Variants in ABCC8 observed in about 807,000 individuals in gnomAD.
The protein encoded by ABCC8 is ATP-binding cassette sub-family C member 8.
In ABCC8, 137 loss-of-function variants were observed where a neutral mutation model predicts 188.0. The ratio of observed to expected loss-of-function variants is 0.73; its 90% confidence interval spans 0.63 to 0.84. ABCC8 has a LOEUF of 0.84. Among genes scored for constraint, ABCC8 ranks in the 40% least tolerant of loss-of-function variants. The pLI is 0.00. For missense variants in ABCC8, 1,750 were observed against 2,072.7 expected, an observed-to-expected ratio of 0.84 and a Z score of 3.02; for synonymous variants, 797 against 846.5, an observed-to-expected ratio of 0.94 and a Z score of 1.01.
Position 17,413,642 on chromosome 11 carries a change from A to G in ABCC8, c.2391-164T>C. 2 of 1,386,894 alleles carry G rather than the reference A, an allele frequency of 1.4e-6. 1 individual carries two copies. The highest frequency in any genetic ancestry group is 2.5e-5 in the South Asian group (2 of 79,456). The allele number at this position is 1,386,894 out of a possible 1,614,324, so 85.9% of individuals were successfully genotyped here. A position where few individuals can be genotyped will look rare whatever the true frequency, so the allele number is the denominator to read the frequency against. On this transcript the variant is annotated intron_variant, in intron 19 of 38. Coordinates refer to ENST00000389817, the MANE Select transcript of ABCC8 (RefSeq NM_000352.6). ...GCAAACACCGTGTGAGCTTGAAAAG[A>G]GCTGAGGTCAGCACTTCACACAGCG...
chr11:17,453,435 C>A, intron 6 of ABCC8, 152 bp from the exon 7 acceptor site: 2 of 1,055,450 alleles, frequency 1.9e-6, no homozygotes, highest in Non-Finnish European at 1.4e-6. Context: ...AGTGAAAAAT[C>A]AGACTGATAA....
chr11:17,417,461 A>C (rs1386607403), intron 16 of ABCC8, among the ~76,000 whole-genome samples: 1 of 152,188 alleles, frequency 6.6e-6, no homozygotes, highest in African/African-American at 2.4e-5. Context: ...TAAATGCATA[A>C]ATATAGTGGA....
chr11:17,428,847 G>A (rs917337365), intron 12 of ABCC8, 177 bp from the exon 13 acceptor site: 1 of 1,195,326 alleles, frequency 8.4e-7, no homozygotes, highest in Non-Finnish European at 1.1e-6. Context: ...TGTTACCAGG[G>A]TTTGCTAGGG....
chr11:17,436,011 A>G, intron 10 of ABCC8: 1 of 1,461,272 alleles, frequency 6.8e-7, no homozygotes, highest in Non-Finnish European at 9.6e-7. Context: ...AACTGTAGAT[A>G]GTGATGTGGG....
At chr11:17,454,209 A>G (rs760720072) in intron 6 of ABCC8, among the ~76,000 whole-genome samples, 1 of 152,122 alleles carries the variant, frequency 6.6e-6, no homozygotes, top group Non-Finnish European at 1.5e-5. Context: ...AATCAGAATC[A>G]GGCAGAGAGG....
At chr11:17,410,996 G>A (rs1192932730) in intron 21 of ABCC8, among the ~76,000 whole-genome samples, 3 of 152,094 alleles carry the variant, frequency 2.0e-5, no homozygotes, top group Non-Finnish European at 1.5e-5. Flanking sequence ...TGCTTCATCT[G>A]TGCTTTCCCA....
intron 1 of ABCC8, among the ~76,000 whole-genome samples, chr11:17,476,262 G>A (rs1384978386): frequency 1.3e-5 from 2 of 152,212 alleles, no homozygotes; most frequent in Admixed American, 6.5e-5. Flanking sequence ...GGGGTGACCC[G>A]GCTCCCTAAG....
rs1955662262 is a variant in ABCC8, at chr11:17,427,982, A to G, written c.2041-40T>C. On this transcript the variant is annotated intron_variant, in intron 14 of 38. Transcript: ENST00000389817. This position sits in a 1 kb window ranked among gnomAD's most constrained non-coding sequence, Gnocchi z 5.0. ...TCCCACCGCCCAGGAGAGAACAGAAAGGCAGCCAGTTCCCAGTGAATAGTC... is the reference window on the plus strand; with the variant it reads ...TCCCACCGCCCAGGAGAGAACAGAAGGGCAGCCAGTTCCCAGTGAATAGTC... The G allele has an allele frequency of 6.2e-7, 1 of 1,606,300 alleles. No homozygotes were observed. Among genetic ancestry groups the G allele is most frequent in the African/African-American group, 1.3e-5 (1 of 74,750 alleles).
At chr11:17,468,386 C>A (rs765895349) in intron 3 of ABCC8, among the ~76,000 whole-genome samples, 2 of 152,204 alleles carry the variant, frequency 1.3e-5, no homozygotes, top group African/African-American at 4.8e-5. Flanking sequence ...GCCAGATGTA[C>A]AGCCCCAGCC....
In ABCC8 at chr11:17,453,263, G is replaced by A. The variant is rs773542245; in HGVS notation, c.1032C>T (p.Tyr344=). 1.2e-6 allele frequency: 2 copies of A among 1,614,036 alleles called. No homozygotes were observed. Among genetic ancestry groups the A allele is most frequent in the African/African-American group, 2.7e-5 (2 of 74,912 alleles). The change falls in exon 7 of 39, where the codon TAC becomes TAT. Residue 344 remains tyrosine, a synonymous_variant. Transcript: ENST00000389817. ...FQPKTQFLGV[Y]FVSSQEFLAN... ...CAAGGAACTCTTGGGATGAGACAAA[G>A]TAAACCCCGAGAAATTGTGTCTGTT...
chr11:17,405,575 C>A lies in ABCC8; in HGVS notation c.3330-12G>T. The A allele has an allele frequency of 6.2e-7, 1 of 1,614,140 alleles. No homozygotes were observed. Among genetic ancestry groups the A allele is most frequent in the Non-Finnish European group, 8.5e-7 (1 of 1,179,980 alleles). On this transcript the variant is annotated splice_polypyrimidine_tract_variant and intron_variant, in intron 26 of 38. Transcript: ENST00000389817. ...TGGTCTCAAAAAACCTAAGAGGCAG[C>A]CAGAGGAAGAGTTACTCATTTGTCC... is the stretch of plus-strand genomic sequence containing the variant.
At chr11:17,466,913 G>A (rs1279409157) in intron 3 of ABCC8, among the ~76,000 whole-genome samples, 2 of 152,064 alleles carry the variant, frequency 1.3e-5, no homozygotes, top group African/African-American at 2.4e-5. Context: ...CAATTCACCT[G>A]CCTTGGCCTG....
At chr11:17,461,263 G>A in intron 5 of ABCC8, 1 of 444,288 alleles carries the variant, frequency 2.3e-6, no homozygotes, top group Non-Finnish European at 4.2e-6. Context: ...TCAGTAAGCT[G>A]CAGAGGAAAG....
intron 6 of ABCC8, among the ~76,000 whole-genome samples, chr11:17,456,608 G>A (rs1241226245): frequency 6.6e-6 from 1 of 152,172 alleles, no homozygotes; most frequent in Non-Finnish European, 1.5e-5. Flanking sequence ...GCCACCCAGA[G>A]ACCAACACAC....
chr11:17,474,022 C>T (rs918293471), intron 2 of ABCC8, among the ~76,000 whole-genome samples: 7 of 152,160 alleles, frequency 4.6e-5, no homozygotes, highest in African/African-American at 1.2e-4. Flanking sequence ...TGCCTTTTCC[C>T]TTCCCTCAGG....
intron 29 of ABCC8, 42 bp from the exon 30 acceptor site, chr11:17,398,483 C>A: frequency 1.2e-6 from 2 of 1,611,560 alleles, no homozygotes; most frequent in Non-Finnish European, 1.7e-6. Context: ...CAGTGTTGGT[C>A]CACATAGCTC....
At chr11:17,437,213 T>C (rs758612528) in intron 10 of ABCC8, among the ~76,000 whole-genome samples, 11 of 151,986 alleles carry the variant, frequency 7.2e-5, no homozygotes, top group Non-Finnish European at 1.2e-4. Context: ...TGTAAGTTTT[T>C]CATACCCTCA....
chr11:17,468,603 G>T (rs1248496198), intron 3 of ABCC8, among the ~76,000 whole-genome samples: 12 of 152,162 alleles, frequency 7.9e-5, no homozygotes, highest in Admixed American at 7.9e-4. Flanking sequence ...GATATGTAAA[G>T]GGAAAATAAT....
intron 9 of ABCC8, 50 bp from the exon 10 acceptor site, chr11:17,442,932 C>G (rs757804208): frequency 1.2e-6 from 2 of 1,601,776 alleles, no homozygotes; most frequent in South Asian, 2.2e-5. Context: ...CCGTCTCCCA[C>G]CCGAGAGGAA....
Sources: allele counts gnomAD v4.1 joint callset (sites outside exome capture counted in the v4.1 genomes callset), GRCh38; gene constraint gnomAD v4.1.1; non-coding constraint Gnocchi (gnomAD v3.1); transcripts MANE v1.5; gene names NCBI Gene and HGNC (gene_info 2026-07-23, HGNC 2026-07-21).